ADGRV1: variants seen among roughly 807,000 people sequenced by gnomAD.
The protein encoded by ADGRV1 is G-protein coupled receptor 98.
A neutral mutation model predicts 596.2 loss-of-function variants in ADGRV1; 359 were observed. That is an observed-to-expected ratio of 0.60 (90% CI 0.55 to 0.66). ADGRV1 has a LOEUF of 0.66. Among genes scored for constraint, ADGRV1 ranks in the 30% least tolerant of loss-of-function variants. ADGRV1 has a pLI of 0.00. For missense variants in ADGRV1, 7,274 were observed against 7,575.6 expected (o/e 0.96, Z 1.48); for synonymous variants, 2,681 against 2,679.2 (o/e 1.00, Z -0.02).
intron 86 of ADGRV1, among the ~76,000 whole-genome samples, chr5:91,074,946 C>T (rs758594387): frequency 1.3e-5 from 2 of 152,148 alleles, no homozygotes; most frequent in Non-Finnish European, 2.9e-5. Flanking sequence ...TGGGCATTTT[C>T]ATATGCTTGT....
At position 90,694,587 on chromosome 5, in the gene ADGRV1, C is replaced by T; in HGVS notation, c.7831C>T (p.His2611Tyr). 6.2e-7 allele frequency: 1 copy of T among 1,613,872 alleles called. No homozygotes were observed. The highest frequency in any genetic ancestry group is 2.2e-5 in the East Asian group (1 of 44,866). ...CCAAACCTTGGTGGAGCTGATGATA[C>T]ACAGGACAGGGGGCAGCTTAGGTCA... ...QPQTLVELMI[H>Y]RTGGSLGQVA... The change falls in exon 33 of 90, where the codon CAC becomes TAC. Residue 2611 changes from histidine (H) to tyrosine (Y), a missense_variant. By Grantham distance (83) the His-to-Tyr change is moderately conservative. Around this residue, in one of 5 missense-constraint regions of ADGRV1, gnomAD observed 3,643 missense variants for 3,809.2 expected, o/e 0.96. Transcript: ENST00000405460.
rs1377035891 is a variant in ADGRV1 at position 90,811,303 on chromosome 5, C to G, written c.16043C>G (p.Thr5348Ser). Reference protein sequence around the residue: ...GAQIVEEKDDTGFAAFAMVII... With the variant: ...GAQIVEEKDDSGFAAFAMVII... Reference sequence around the variant, plus strand: ...CAGATTGTGGAGGAGAAGGATGATACTGGATTTGCAGCTTTTGCCATGGTT... The same window carrying G: ...CAGATTGTGGAGGAGAAGGATGATAGTGGATTTGCAGCTTTTGCCATGGTT... The change falls in exon 74 of 90, where the codon ACT becomes AGT. Residue 5348 changes from threonine (T) to serine (S), a missense_variant. Thr to Ser is a moderately conservative substitution (Grantham distance 58). This residue lies in a region of ADGRV1 where 1,874 missense variants were observed against 1,970.2 expected (regional missense o/e 0.95). Transcript: ENST00000405460. The G allele has an allele frequency of 1.9e-6, 3 of 1,609,688 alleles. No homozygotes were observed. Among genetic ancestry groups the G allele is most frequent in the Non-Finnish European group, 2.5e-6 (3 of 1,178,022 alleles).
intron 87 of ADGRV1, among the ~76,000 whole-genome samples, chr5:91,136,425 C>T (rs1269696895): frequency 6.6e-6 from 1 of 152,168 alleles, no homozygotes; most frequent in Non-Finnish European, 1.5e-5. Flanking sequence ...AAATATTCAA[C>T]CACGAAGATC....
intron 70 of ADGRV1, 93 bp from the exon 71 acceptor site, chr5:90,802,646 A>T: frequency 8.6e-7 from 1 of 1,157,322 alleles, no homozygotes; most frequent in Non-Finnish European, 1.2e-6. Flanking sequence ...TTGCTACTAA[A>T]GCAACCTCAG....
At chr5:90,842,643 A>T (rs1765532495) in intron 78 of ADGRV1, among the ~76,000 whole-genome samples, 1 of 151,984 alleles carries the variant, frequency 6.6e-6, no homozygotes, top group African/African-American at 2.4e-5. Flanking sequence ...GCTTGAACCC[A>T]GGAGGTGGAG....
intron 9 of ADGRV1, among the ~76,000 whole-genome samples, chr5:90,634,182 A>G (rs1014752835): frequency 1.3e-5 from 2 of 152,204 alleles, no homozygotes; most frequent in African/African-American, 4.8e-5. Flanking sequence ...CACTGTGTGC[A>G]TTGATTGAGA....
chr5:91,068,468 C>CA (rs112372907), intron 85 of ADGRV1, among the ~76,000 whole-genome samples: 3,285 of 125,224 alleles, frequency 0.026, 126 homozygotes, highest in African/African-American at 0.085. Context: ...GACTCCATCT[C>CA]AAAAAAAAAA....
At chr5:90,931,216 C>G (rs1008855328) in intron 83 of ADGRV1, 1 of 152,222 alleles carries the variant, frequency 6.6e-6, no homozygotes, top group African/African-American at 2.4e-5. Context: ...TTTAAGATGA[C>G]TGGTGGGTAA....
intron 85 of ADGRV1, among the ~76,000 whole-genome samples, chr5:90,993,907 T>A (rs1174404508): frequency 6.6e-6 from 1 of 152,128 alleles, no homozygotes; most frequent in Non-Finnish European, 1.5e-5. Context: ...CTATGTTAAT[T>A]TTTTTGGTTC....
chr5:91,151,242 T>C (rs1796029856), intron 88 of ADGRV1, among the ~76,000 whole-genome samples: 1 of 152,234 alleles, frequency 6.6e-6, no homozygotes, highest in South Asian at 2.1e-4. Flanking sequence ...ATTTTATTTA[T>C]GTTAGGTTAA....
At chr5:90,679,698 A>G (rs1744689892) in intron 26 of ADGRV1, 69 bp downstream of exon 26, 2 of 1,026,048 alleles carry the variant, frequency 1.9e-6, no homozygotes, top group Admixed American at 2.0e-5. Context: ...TAGAGACAAT[A>G]CTAACCACTT....
At chr5:91,082,533 C>T (rs1326180511) in intron 86 of ADGRV1, among the ~76,000 whole-genome samples, 1 of 151,992 alleles carries the variant, frequency 6.6e-6, no homozygotes, top group Admixed American at 6.6e-5. Flanking sequence ...TAAAAGAGCA[C>T]TTTTTAAAAA....
chr5:90,864,076 C>CAA (rs199712125), intron 83 of ADGRV1, among the ~76,000 whole-genome samples: 1 of 141,172 alleles, frequency 7.1e-6, no homozygotes, highest in East Asian at 2.0e-4. Context: ...TCATCGCTTA[C>CAA]AAAAAAAAAA....
chr5:91,135,068 C>G (rs1582162506), intron 87 of ADGRV1, among the ~76,000 whole-genome samples: 1 of 151,466 alleles, frequency 6.6e-6, no homozygotes, highest in East Asian at 1.9e-4. Context: ...GTAATTCCAG[C>G]TACTTGGGAG....
intron 21 of ADGRV1, among the ~76,000 whole-genome samples, chr5:90,668,638 T>G (rs980353174): frequency 6.6e-6 from 1 of 152,078 alleles, no homozygotes; most frequent in African/African-American, 2.4e-5. Context: ...CTCCTCCCCC[T>G]GGTAGTTTTT....
chr5:90,666,458 A>G (rs1437348110), intron 21 of ADGRV1, among the ~76,000 whole-genome samples: 1 of 150,830 alleles, frequency 6.6e-6, no homozygotes, highest in Non-Finnish European at 1.5e-5. Flanking sequence ...TTTGTTTTCC[A>G]TTTGCTTGGT....
rs746622083 is a variant in ADGRV1, at chr5:90,653,278, A to G, written c.3704A>G (p.Asn1235Ser). ...CAGGTGACAGTAATGGTTCCATTCA[A>G]TGATGATCCCTTTGGAGTTTTTATC... ...NLQVTVMVPF[N>S]DDPFGVFILD... The change falls in exon 20 of 90, where the codon AAT becomes AGT. Residue 1235 changes from asparagine (N) to serine (S), a missense_variant. Coordinates refer to ENST00000405460, the MANE Select transcript of ADGRV1 (RefSeq NM_032119.4). 9.3e-6 allele frequency: 15 copies of G among 1,613,860 alleles called. No homozygotes were observed. Among genetic ancestry groups the G allele is most frequent in the African/African-American group, 6.7e-5 (5 of 74,932 alleles).
At chr5:90,590,326 G>T (rs1308510566) in intron 1 of ADGRV1, among the ~76,000 whole-genome samples, 6 of 152,172 alleles carry the variant, frequency 3.9e-5, no homozygotes, top group Admixed American at 3.9e-4. Flanking sequence ...TAACGGCTGA[G>T]GCTGATGTCA....
intron 83 of ADGRV1, among the ~76,000 whole-genome samples, chr5:90,913,679 T>C (rs890343244): frequency 6.6e-6 from 1 of 152,188 alleles, no homozygotes; most frequent in African/African-American, 2.4e-5. Context: ...TCATAACTCA[T>C]GCTTCTCTTC....
Sources: gnomAD v4.1 joint callset for allele counts (sites outside exome capture counted in the v4.1 genomes callset) on GRCh38, gnomAD v4.1.1 for gene constraint, gnomAD v4.1.1 regional missense constraint, MANE v1.5 for transcripts, NCBI Gene and HGNC (gene_info 2026-07-23, HGNC 2026-07-21) for gene names.